Variants in MYO1D observed in about 807,000 individuals in gnomAD.
The protein encoded by MYO1D is unconventional myosin-Id.
In MYO1D, 83 loss-of-function variants were observed where a neutral mutation model predicts 122.0. The ratio of observed to expected loss-of-function variants is 0.68; its 90% confidence interval spans 0.57 to 0.82. The LOEUF is 0.82. Among genes scored for constraint, MYO1D ranks in the 40% least tolerant of loss-of-function variants. MYO1D has a pLI of 0.00. For synonymous variants in MYO1D, 464 were observed against 446.9 expected (o/e 1.04, Z -0.48); for missense variants, 1,157 against 1,269.5 (o/e 0.91, Z 1.35).
In MYO1D at chr17:32,737,364, T is replaced by C. The variant is rs930193299; in HGVS notation, c.1746+889A>G. Among the ~76,000 whole-genome samples the C allele has an allele frequency of 9.5e-4, 131 of 137,402 alleles. 3 individuals are homozygous for C. Among genetic ancestry groups the C allele is most frequent in the Non-Finnish European group, 1.1e-3 (70 of 63,080 alleles). 90.1% of individuals were successfully genotyped at this position (137,402 alleles called of 152,430 possible). On this transcript the variant is annotated intron_variant, in intron 14 of 21. Transcript: ENST00000318217. ...ACAAATAATTGTCAATAATACAACT[T>C]TTTTTTTTTTTTTTGAGACAAGGTC...
rs2150877043 is a variant in MYO1D, at chr17:32,538,747, CAT to C, written c.2865-43834_2865-43833del. On this transcript the variant is annotated intron_variant, in intron 21 of 21. Coordinates refer to ENST00000318217, the MANE Select transcript of MYO1D (RefSeq NM_015194.3). ...TAAAGAAAATGTGATATATATACAC[CAT>C]GGAATACTATGCAGCCGTAAAAACG... Among the ~76,000 whole-genome samples the C allele has an allele frequency of 2.0e-5, 3 of 152,126 alleles. No homozygotes were observed. The East Asian group carries it at 5.8e-4, about 29-fold the overall frequency.
intron 21 of MYO1D, among the ~76,000 whole-genome samples, chr17:32,550,100 A>T (rs914165262): frequency 4.9e-5 from 7 of 143,090 alleles, no homozygotes; most frequent in Non-Finnish European, 1.1e-4. Context: ...TTGAGCTATA[A>T]TTTTTTTTTT....
intron 16 of MYO1D, among the ~76,000 whole-genome samples, chr17:32,674,846 G>C (rs966784390): frequency 6.6e-6 from 1 of 152,184 alleles, no homozygotes; most frequent in Admixed American, 6.5e-5. Flanking sequence ...CACTATAACA[G>C]AGATACTGGG....
At chr17:32,603,669 G>C (rs2150912225) in intron 21 of MYO1D, among the ~76,000 whole-genome samples, 1 of 151,838 alleles carries the variant, frequency 6.6e-6, no homozygotes, top group South Asian at 2.1e-4. Flanking sequence ...GGGACTACAG[G>C]TGCCCGCCAC....
At chr17:32,544,101 CTT>C (rs542735823) in intron 21 of MYO1D, among the ~76,000 whole-genome samples, 3 of 140,784 alleles carry the variant, frequency 2.1e-5, no homozygotes, top group African/African-American at 2.6e-5. Context: ...CCAAATCTTG[CTT>C]TTTTTTTTTT....
intron 1 of MYO1D, among the ~76,000 whole-genome samples, chr17:32,792,008 T>C (rs576404665): frequency 6.6e-6 from 1 of 152,318 alleles, no homozygotes; most frequent in South Asian, 2.1e-4. Context: ...AAAAGTCTCA[T>C]GTAAGTAGAT....
At chr17:32,526,464 A>G (rs1201955294) in intron 21 of MYO1D, among the ~76,000 whole-genome samples, 3 of 152,198 alleles carry the variant, frequency 2.0e-5, no homozygotes, top group Non-Finnish European at 2.9e-5. Context: ...TATATGTATG[A>G]AAATGTGGCA....
intron 21 of MYO1D, among the ~76,000 whole-genome samples, chr17:32,558,114 T>C (rs1211306603): frequency 6.6e-6 from 1 of 152,142 alleles, no homozygotes; most frequent in Non-Finnish European, 1.5e-5. Flanking sequence ...TCAAAGTTTG[T>C]CAACCTCAGG....
intron 16 of MYO1D, 110 bp from the exon 17 acceptor site, chr17:32,659,448 G>A: frequency 9.0e-7 from 1 of 1,116,502 alleles, no homozygotes; most frequent in Non-Finnish European, 1.3e-6. Context: ...CAACTTGCAA[G>A]TGTGCACAAA....
At chr17:32,661,726 C>T (rs1274992318) in intron 16 of MYO1D, among the ~76,000 whole-genome samples, 10 of 151,986 alleles carry the variant, frequency 6.6e-5, no homozygotes, top group Admixed American at 5.9e-4. Context: ...TAGACACTAT[C>T]CAAATCACAC....
chr17:32,582,138 C>T (rs1173453415), intron 21 of MYO1D, among the ~76,000 whole-genome samples: 1 of 152,088 alleles, frequency 6.6e-6, no homozygotes, highest in Admixed American at 6.5e-5. Context: ...TGGTCTCAAA[C>T]TCCTGGACTC....
At chr17:32,754,623 A>C (rs2151012634) in intron 11 of MYO1D, among the ~76,000 whole-genome samples, 1 of 152,382 alleles carries the variant, frequency 6.6e-6, no homozygotes, top group South Asian at 2.1e-4. Flanking sequence ...ACACTAAAAA[A>C]TGGCAGTGTC....
intron 10 of MYO1D, 80 bp from the exon 11 acceptor site, chr17:32,755,742 A>G: frequency 7.8e-7 from 1 of 1,280,434 alleles, no homozygotes; most frequent in South Asian, 1.5e-5. Context: ...CATTTGTATC[A>G]GGAGTTCAGG....
At chr17:32,812,277 G>A (rs575752102) in intron 1 of MYO1D, among the ~76,000 whole-genome samples, 2 of 152,298 alleles carry the variant, frequency 1.3e-5, no homozygotes, top group East Asian at 3.9e-4. Flanking sequence ...GAAGTCATCA[G>A]GTATGATTAT....
intron 21 of MYO1D, among the ~76,000 whole-genome samples, chr17:32,552,382 C>T (rs12945125): frequency 8.5e-5 from 9 of 106,494 alleles, no homozygotes; most frequent in African/African-American, 3.0e-4. Context: ...GCCTGCATTG[C>T]TCACTCTTTA....
chr17:32,596,929 C>T (rs192313038), intron 21 of MYO1D, among the ~76,000 whole-genome samples: 45 of 152,306 alleles, frequency 3.0e-4, no homozygotes, highest in Admixed American at 2.7e-3. Flanking sequence ...GAGAATGAAA[C>T]GCAAACCAAA....
intron 20 of MYO1D, among the ~76,000 whole-genome samples, chr17:32,624,195 T>A (rs773553185): frequency 6.6e-6 from 1 of 151,640 alleles, no homozygotes; most frequent in Non-Finnish European, 1.5e-5. Flanking sequence ...CCTAGGAAGC[T>A]TTATTTTATT....
At chr17:32,501,873 G>T (rs1378045424) in intron 21 of MYO1D, among the ~76,000 whole-genome samples, 5 of 152,206 alleles carry the variant, frequency 3.3e-5, no homozygotes, top group African/African-American at 4.8e-5. Flanking sequence ...AACTCCAACT[G>T]GAAGCTGGTT....
intron 21 of MYO1D, among the ~76,000 whole-genome samples, chr17:32,549,786 C>T (rs1210092101): frequency 3.3e-5 from 5 of 152,190 alleles, no homozygotes; most frequent in African/African-American, 1.2e-4. Flanking sequence ...ACATGAAGGA[C>T]ACGTTAATTG....
Sources: gnomAD v4.1 joint callset for allele counts (sites outside exome capture counted in the v4.1 genomes callset) on GRCh38, gnomAD v4.1.1 for gene constraint, MANE v1.5 for transcripts, NCBI Gene and HGNC (gene_info 2026-07-23, HGNC 2026-07-21) for gene names.